The following KIF16B variants were observed in gnomAD, a reference collection of about 807,000 sequenced individuals.
KIF16B encodes the protein kinesin family member 16B.
In KIF16B, 98 loss-of-function variants were observed where a neutral mutation model predicts 156.3. The ratio of observed to expected loss-of-function variants is 0.63; its 90% CI spans 0.53 to 0.74. The LOEUF is 0.74. Among genes scored for constraint, KIF16B ranks in the 30% least tolerant of loss-of-function variants. The pLI is 0.00. For synonymous variants in KIF16B, 564 were observed against 583.7 expected (o/e 0.97, Z 0.49); for missense variants, 1,421 against 1,606.5 (o/e 0.88, Z 1.97).
chr20:16,437,096 G>A (rs954454973), intron 12 of KIF16B, among the ~76,000 whole-genome samples: 19 of 152,196 alleles, frequency 1.2e-4, no homozygotes, highest in African/African-American at 4.6e-4. Context: ...ATGTAAGTGT[G>A]ATGTAAATAG....
chr20:16,365,778 G>A (rs2064650626), intron 22 of KIF16B, among the ~76,000 whole-genome samples: 1 of 152,174 alleles, frequency 6.6e-6, no homozygotes, highest in African/African-American at 2.4e-5. Context: ...CAACATTTAT[G>A]TTGCACTTAT....
intron 22 of KIF16B, among the ~76,000 whole-genome samples, chr20:16,365,726 C>A (rs1455812601): frequency 6.6e-6 from 1 of 152,148 alleles, no homozygotes. Flanking sequence ...GCTTTGACAC[C>A]ATCTCCGTCA....
At chr20:16,400,330 T>G (rs540303759) in intron 17 of KIF16B, among the ~76,000 whole-genome samples, 80 of 152,300 alleles carry the variant, frequency 5.3e-4, no homozygotes, top group African/African-American at 1.8e-3. Context: ...TCACACACAT[T>G]TTGATGTGTA....
chr20:16,573,127 C>T, intron 1 of KIF16B, 102 bp downstream of exon 1: 1 of 1,182,806 alleles, frequency 8.5e-7, no homozygotes, highest in Non-Finnish European at 1.2e-6. Context: ...AGGGACCAGC[C>T]GGTGACACTT....
At chr20:16,531,936 C>T (rs895734630) in intron 1 of KIF16B, among the ~76,000 whole-genome samples, 22 of 151,804 alleles carry the variant, frequency 1.4e-4, no homozygotes, top group African/African-American at 4.6e-4. Context: ...GGTGTGGTGG[C>T]GGGCACCTGT....
At chr20:16,514,873 G>A (rs1368941833) in intron 4 of KIF16B, among the ~76,000 whole-genome samples, 5 of 107,214 alleles carry the variant, frequency 4.7e-5, no homozygotes, top group African/African-American at 1.1e-4. Flanking sequence ...GCGACGGAGT[G>A]AGATTCCATC....
intron 25 of KIF16B, among the ~76,000 whole-genome samples, chr20:16,286,092 C>T (rs1456781720): frequency 6.6e-6 from 1 of 152,212 alleles, no homozygotes; most frequent in Non-Finnish European, 1.5e-5. Context: ...TAATTTTTCA[C>T]TACTTTAGTC....
intron 19 of KIF16B, among the ~76,000 whole-genome samples, chr20:16,375,996 C>T (rs1054956449): frequency 1.3e-5 from 2 of 152,200 alleles, no homozygotes; most frequent in African/African-American, 2.4e-5. Flanking sequence ...AACTGTGTGA[C>T]ACTCATCCCC....
intron 15 of KIF16B, among the ~76,000 whole-genome samples, chr20:16,420,256 G>C (rs947734210): frequency 6.6e-6 from 1 of 152,128 alleles, no homozygotes; most frequent in Non-Finnish European, 1.5e-5. Context: ...TTAAGGTGGG[G>C]AAACAGTTTA....
At position 16,474,416 on chromosome 20, in the gene KIF16B, T is replaced by C. The variant is rs184561021; in HGVS notation, c.1302+19875A>G. On this transcript the variant is annotated intron_variant, in intron 12 of 25. Transcript: ENST00000354981. Reference sequence around the variant, plus strand: ...AGTGCTTAGGGCAGTGCTTGGCACATAGCAAGCGCTTATGCTCAGGATAGC... The same window carrying C: ...AGTGCTTAGGGCAGTGCTTGGCACACAGCAAGCGCTTATGCTCAGGATAGC... Among the ~76,000 whole-genome samples the C allele has an allele frequency of 2.8e-3, 424 of 152,356 alleles. 1 individual carries two copies. Among genetic ancestry groups the C allele is most frequent in the African/African-American group, 9.8e-3 (406 of 41,590 alleles).
intron 15 of KIF16B, among the ~76,000 whole-genome samples, chr20:16,413,712 C>A (rs1256555765): frequency 6.7e-6 from 1 of 148,618 alleles, no homozygotes; most frequent in African/African-American, 2.5e-5. Flanking sequence ...CCCTGCCCCC[C>A]ACCAACCAAA....
intron 1 of KIF16B, among the ~76,000 whole-genome samples, chr20:16,529,534 T>C (rs942258365): frequency 3.9e-5 from 6 of 152,240 alleles, no homozygotes; most frequent in African/African-American, 1.4e-4. Flanking sequence ...AGTGCCATTA[T>C]TCTGAGATTT....
At chr20:16,465,601 C>T (rs1337139547) in intron 12 of KIF16B, among the ~76,000 whole-genome samples, 1 of 152,172 alleles carries the variant, frequency 6.6e-6, no homozygotes, top group Non-Finnish European at 1.5e-5. Context: ...ATATAATTCA[C>T]CAACTAAATG....
intron 12 of KIF16B, among the ~76,000 whole-genome samples, chr20:16,489,459 G>A (rs2068220780): frequency 6.6e-6 from 1 of 152,128 alleles, no homozygotes; most frequent in Non-Finnish European, 1.5e-5. Context: ...CACTTTGGGA[G>A]GCCAAGGCAG....
At chr20:16,425,883 C>T (rs1038270499) in intron 15 of KIF16B, among the ~76,000 whole-genome samples, 1 of 152,156 alleles carries the variant, frequency 6.6e-6, no homozygotes, top group African/African-American at 2.4e-5. Flanking sequence ...CCCACTTCCA[C>T]AGGCTTACCA....
chr20:16,284,445 T>C (rs981588806), intron 25 of KIF16B, among the ~76,000 whole-genome samples: 3 of 152,190 alleles, frequency 2.0e-5, no homozygotes, highest in Non-Finnish European at 4.4e-5. Context: ...GGTCTGCATG[T>C]ATGTCCCGGA....
intron 23 of KIF16B, among the ~76,000 whole-genome samples, chr20:16,336,451 T>A (rs1447917982): frequency 6.6e-6 from 1 of 152,174 alleles, no homozygotes; most frequent in Non-Finnish European, 1.5e-5. Flanking sequence ...GAGTGGAAAC[T>A]CTGTTGCACA....
intron 12 of KIF16B, among the ~76,000 whole-genome samples, chr20:16,471,966 G>A (rs1004532156): frequency 1.3e-5 from 2 of 152,168 alleles, no homozygotes; most frequent in Non-Finnish European, 2.9e-5. Flanking sequence ...ACAAATATGA[G>A]TCCAAAATTC....
intron 23 of KIF16B, among the ~76,000 whole-genome samples, chr20:16,340,751 C>T (rs747933947): frequency 1.3e-5 from 2 of 152,172 alleles, no homozygotes; most frequent in Admixed American, 1.3e-4. Flanking sequence ...TGAAATGGTA[C>T]TTCGAACCTG....
Sources: gnomAD v4.1 joint callset for allele counts (sites outside exome capture counted in the v4.1 genomes callset) on GRCh38, gnomAD v4.1.1 for gene constraint, MANE v1.5 for transcripts, NCBI Gene and HGNC (gene_info 2026-07-23, HGNC 2026-07-21) for gene names.